The following ZRANB3 variants were observed in gnomAD, a reference collection of about 807,000 sequenced individuals.
The protein encoded by ZRANB3 is DNA annealing helicase and endonuclease ZRANB3.
ZRANB3 carries 125 observed loss-of-function variants against 133.8 expected under a neutral mutation model. The observed-to-expected ratio is 0.93, with a 90% CI of 0.81 to 1.08. The LOEUF is 1.08. Ranked by LOEUF, ZRANB3 falls within the 50% of genes least tolerant of loss-of-function variation. ZRANB3 has a pLI of 0.00. For missense variants in ZRANB3, 1,229 were observed against 1,275.5 expected, an observed-to-expected ratio of 0.96 and a Z score of 0.56; for synonymous variants, 387 against 432.7, an observed-to-expected ratio of 0.89 and a Z score of 1.31.
intron 8 of ZRANB3, among the ~76,000 whole-genome samples, chr2:135,305,925 C>T (rs1421123775): frequency 6.6e-6 from 1 of 152,080 alleles, no homozygotes; most frequent in African/African-American, 2.4e-5. Context: ...GTCTCCTTGC[C>T]TGTAAGGTTT....
At chr2:135,400,553 C>T (rs796097003) in intron 2 of ZRANB3, among the ~76,000 whole-genome samples, 1 of 152,268 alleles carries the variant, frequency 6.6e-6, no homozygotes, top group East Asian at 1.9e-4. Flanking sequence ...GATCTGTCCA[C>T]CTTGGCTTCA....
chr2:135,403,492 A>G (rs1687845045), intron 2 of ZRANB3, among the ~76,000 whole-genome samples: 1 of 152,242 alleles, frequency 6.6e-6, no homozygotes, highest in Non-Finnish European at 1.5e-5. Flanking sequence ...CAGCTCAAGG[A>G]GGCCTGCCTG....
intron 2 of ZRANB3, among the ~76,000 whole-genome samples, chr2:135,497,871 G>T (rs1326184087): frequency 6.6e-6 from 1 of 151,956 alleles, no homozygotes; most frequent in Non-Finnish European, 1.5e-5. Flanking sequence ...AGGCCAACAT[G>T]GTAAAACCTT....
At chr2:135,308,300 T>C (rs1216073466) in intron 8 of ZRANB3, among the ~76,000 whole-genome samples, 4 of 152,140 alleles carry the variant, frequency 2.6e-5, no homozygotes, top group African/African-American at 9.7e-5. Context: ...TTTGTCCCTA[T>C]CCCATCACCA....
intron 12 of ZRANB3, among the ~76,000 whole-genome samples, chr2:135,252,618 G>A (rs1679456263): frequency 6.6e-6 from 1 of 152,150 alleles, no homozygotes. Context: ...GACAACAGCT[G>A]AGGTTCAGAG....
intron 12 of ZRANB3, among the ~76,000 whole-genome samples, chr2:135,263,794 T>A (rs1472103071): frequency 6.6e-6 from 1 of 151,802 alleles, no homozygotes; most frequent in Non-Finnish European, 1.5e-5. Flanking sequence ...TTTTTTTTTT[T>A]AGACAGAGTC....
chr2:135,526,124 G>T (rs1035295893), intron 1 of ZRANB3, among the ~76,000 whole-genome samples: 1 of 150,424 alleles, frequency 6.6e-6, no homozygotes. Context: ...ATTGCACAAG[G>T]TACATTTAAT....
intron 2 of ZRANB3, among the ~76,000 whole-genome samples, chr2:135,462,241 A>T (rs1246148960): frequency 6.6e-6 from 1 of 152,192 alleles, no homozygotes; most frequent in Non-Finnish European, 1.5e-5. Flanking sequence ...ATCAGCTTAA[A>T]AGCCTTTTCT....
intron 2 of ZRANB3, among the ~76,000 whole-genome samples, chr2:135,436,191 T>G (rs1175368327): frequency 2.0e-5 from 3 of 152,222 alleles, no homozygotes; most frequent in Non-Finnish European, 4.4e-5. Context: ...AGTTTCAATC[T>G]TCTACATATG....
chr2:135,523,102 C>T (rs1694014163), intron 1 of ZRANB3, among the ~76,000 whole-genome samples: 1 of 152,046 alleles, frequency 6.6e-6, no homozygotes, highest in Admixed American at 6.6e-5. Context: ...GTCTTGATTT[C>T]TCACCAAATT....
chr2:135,275,101 C>G (rs1209503442), intron 9 of ZRANB3, among the ~76,000 whole-genome samples: 3 of 152,218 alleles, frequency 2.0e-5, no homozygotes, highest in African/African-American at 7.2e-5. Flanking sequence ...GACAAAACCG[C>G]CATCGTCATC....
intron 2 of ZRANB3, among the ~76,000 whole-genome samples, chr2:135,479,002 C>T (rs954793152): frequency 6.7e-6 from 1 of 150,202 alleles, no homozygotes; most frequent in African/African-American, 2.5e-5. Context: ...TCAGAACACA[C>T]ATACGTAGAC....
At chr2:135,372,438 T>C (rs1055750630) in intron 3 of ZRANB3, among the ~76,000 whole-genome samples, 2 of 152,142 alleles carry the variant, frequency 1.3e-5, no homozygotes, top group African/African-American at 4.8e-5. Flanking sequence ...CTACTTTATC[T>C]CCATGCTTAG....
chr2:135,454,995 T>A (rs1411589738), intron 2 of ZRANB3, among the ~76,000 whole-genome samples: 1 of 152,076 alleles, frequency 6.6e-6, no homozygotes, highest in Admixed American at 6.6e-5. Context: ...GCTATTTTTT[T>A]ATTTCAGCCA....
chr2:135,293,910 G>T (rs1448614469), intron 8 of ZRANB3, among the ~76,000 whole-genome samples: 1 of 150,802 alleles, frequency 6.6e-6, no homozygotes, highest in African/African-American at 2.4e-5. Context: ...ATTGATTTTC[G>T]TATGTTGAAC....
intron 9 of ZRANB3, among the ~76,000 whole-genome samples, chr2:135,274,255 G>A (rs1374957110): frequency 6.6e-6 from 1 of 152,182 alleles, no homozygotes; most frequent in Non-Finnish European, 1.5e-5. Context: ...TGGAAATCAA[G>A]GTAGACCTAA....
At chr2:135,328,921 G>A (rs1394626330) in intron 6 of ZRANB3, among the ~76,000 whole-genome samples, 1 of 151,984 alleles carries the variant, frequency 6.6e-6, no homozygotes, top group South Asian at 2.1e-4. Flanking sequence ...ATTTTTTCTT[G>A]GAAATTTGTT....
chr2:135,364,218 T>C (rs1177852684), intron 3 of ZRANB3, among the ~76,000 whole-genome samples: 1 of 152,172 alleles, frequency 6.6e-6, no homozygotes, highest in Non-Finnish European at 1.5e-5. Flanking sequence ...GAATAACTAC[T>C]ATAATGATTA....
chr2:135,522,376 C>T lies in ZRANB3; in HGVS notation c.-8+8751G>A, dbSNP rs1055500639. Among the ~76,000 whole-genome samples the T allele has an allele frequency of 3.9e-5, 6 of 152,174 alleles. No homozygotes were observed. The East Asian group carries it at 5.8e-4, about 15-fold the overall frequency. ...CTCCGATGCTCCAGTCCCCTGGACT[C>T]GCCTTTTAAACTCTTATTCTGTCTC... On this transcript the variant is annotated intron_variant, in intron 1 of 20. Transcript: ENST00000264159.
Sources: allele counts gnomAD v4.1 joint callset (sites outside exome capture counted in the v4.1 genomes callset), GRCh38; gene constraint gnomAD v4.1.1; transcripts MANE v1.5; gene names NCBI Gene and HGNC (gene_info 2026-07-23, HGNC 2026-07-21).